The following POLN variants were observed in gnomAD, a reference collection of about 807,000 sequenced individuals.
POLN encodes the protein DNA polymerase N.
A neutral mutation model predicts 113.5 loss-of-function variants in POLN; 108 were observed. The ratio of observed to expected loss-of-function variants is 0.95; its 90% CI spans 0.81 to 1.12. POLN has a LOEUF of 1.12. Among genes scored for constraint, POLN ranks in the 50% most tolerant of loss-of-function variants. POLN has a pLI of 0.00. For missense variants in POLN, 1,097 were observed against 1,077.1 expected (o/e 1.02, Z -0.26); for synonymous variants, 386 against 391.5 (o/e 0.99, Z 0.17).
intron 19 of POLN, among the ~76,000 whole-genome samples, chr4:2,103,941 C>T (rs1175646663): frequency 6.6e-6 from 1 of 152,230 alleles, no homozygotes; most frequent in Non-Finnish European, 1.5e-5. Context: ...TTTGTCACCA[C>T]TAGACCGGCC....
intron 19 of POLN, among the ~76,000 whole-genome samples, chr4:2,100,809 C>A (rs1324863712): frequency 6.6e-6 from 1 of 152,160 alleles, no homozygotes; most frequent in Non-Finnish European, 1.5e-5. Context: ...CATGATTTGG[C>A]ATTTTAAATC....
intron 24 of POLN, among the ~76,000 whole-genome samples, chr4:2,073,270 C>T (rs575499979): frequency 5.9e-5 from 9 of 152,334 alleles, no homozygotes; most frequent in Admixed American, 2.6e-4. Flanking sequence ...GGATGCCTCT[C>T]GCAGGCCCCT....
intron 20 of POLN, among the ~76,000 whole-genome samples, chr4:2,090,972 C>T (rs1730649492): frequency 6.6e-6 from 1 of 152,190 alleles, no homozygotes; most frequent in Non-Finnish European, 1.5e-5. Flanking sequence ...TCCAGTTCTT[C>T]AAGCTAGTAG....
chr4:2,183,537 C>A (rs778840871), intron 7 of POLN, among the ~76,000 whole-genome samples: 1 of 152,180 alleles, frequency 6.6e-6, no homozygotes, highest in Non-Finnish European at 1.5e-5. Flanking sequence ...AAAGCTACAT[C>A]AGGCTAAATG....
At chr4:2,159,238 T>C (rs1339343374) in intron 13 of POLN, 27 bp from the exon 14 acceptor site, 4 of 1,543,344 alleles carry the variant, frequency 2.6e-6, no homozygotes, top group Non-Finnish European at 1.8e-6. Context: ...ATACTACCAA[T>C]GTAATTCGTC....
intron 25 of POLN, 118 bp downstream of exon 25, chr4:2,072,850 G>A: frequency 9.6e-7 from 1 of 1,041,624 alleles, no homozygotes; most frequent in Non-Finnish European, 1.5e-6. Flanking sequence ...TGCCTGCTGT[G>A]GAGTGGCCAT....
intron 16 of POLN, among the ~76,000 whole-genome samples, chr4:2,142,557 G>C (rs1318233573): frequency 3.9e-5 from 6 of 152,180 alleles, no homozygotes. Flanking sequence ...GACTGGCTAG[G>C]GACCGTGGGA....
Position 2,208,184 on chromosome 4 carries a change from C to A in POLN, c.517G>T (p.Ala173Ser). ...NLSEKTSKQM[A>S]LEEDTDDAEG... ...GCGTCATCAGTATCTTCTTCCAATG[C>A]CATTTGTTTACTTGTTTTCTCTGAC... Residue 173 changes from alanine (A) to serine (S), a missense_variant, in exon 5 of 26, where the codon GCA becomes TCA. Transcript: ENST00000511885. The A allele has an allele frequency of 6.2e-7, 1 of 1,611,914 alleles. No homozygotes were observed. Among genetic ancestry groups the A allele is most frequent in the East Asian group, 2.2e-5 (1 of 44,862 alleles).
chr4:2,131,565 C>A (rs903582449), intron 16 of POLN, among the ~76,000 whole-genome samples: 6 of 152,222 alleles, frequency 3.9e-5, no homozygotes, highest in African/African-American at 1.4e-4. Context: ...CTTTTTACAG[C>A]AGCCCAAATT....
chr4:2,179,079 C>T (rs529509806), intron 8 of POLN, among the ~76,000 whole-genome samples: 1 of 152,320 alleles, frequency 6.6e-6, no homozygotes, highest in South Asian at 2.1e-4. Flanking sequence ...GGAAGAGTCA[C>T]ACTATGGACA....
rs193230069 is a variant in POLN at position 2,133,852 on chromosome 4, T to C, written c.1732-2562A>G. Among the ~76,000 whole-genome samples the C allele has an allele frequency of 2.6e-5, 4 of 152,338 alleles. No individual in the cohort carries two copies. In the East Asian group the frequency reaches 7.7e-4, roughly 29 times the overall value. On this transcript the variant is annotated intron_variant, in intron 16 of 25. Coordinates refer to ENST00000511885, the MANE Select transcript of POLN (RefSeq NM_181808.4). ...TCCTGAGATCCCCCGACTTCATAAA[T>C]GACTTTTAAAAATTTACATACATTA... is the stretch of plus-strand genomic sequence containing the variant.
At chr4:2,142,525 G>A (rs1732028082) in intron 16 of POLN, among the ~76,000 whole-genome samples, 1 of 152,316 alleles carries the variant, frequency 6.6e-6, no homozygotes, top group East Asian at 1.9e-4. Flanking sequence ...AAGAGACTCG[G>A]AAAGGTGGAG....
In POLN at chr4:2,127,255, G is replaced by A. The variant is rs535607606; in HGVS notation, c.1982+858C>T. Among the ~76,000 whole-genome samples the A allele has an allele frequency of 6.6e-6, 1 of 152,072 alleles. No individual in the cohort carries two copies. Among genetic ancestry groups the A allele is most frequent in the East Asian group, 1.9e-4 (1 of 5,158 alleles). On this transcript the variant is annotated intron_variant, in intron 19 of 25. Transcript: ENST00000511885. The surrounding 1 kb of genome is among the most constrained non-coding windows in gnomAD (Gnocchi z 4.7). ...GAGGGGACAGTGACTCAGACACACG[G>A]ACCTTCCAACAGCCAGCACACACTT...
intron 20 of POLN, among the ~76,000 whole-genome samples, chr4:2,095,540 G>A (rs150422206): frequency 6.6e-6 from 1 of 152,214 alleles, no homozygotes; most frequent in East Asian, 1.9e-4. Context: ...GTGGACGAGG[G>A]TCTCCTCGAA....
At chr4:2,115,229 T>TATATATA (rs1553895279) in intron 19 of POLN, among the ~76,000 whole-genome samples, 3 of 30,856 alleles carry the variant, frequency 9.7e-5, no homozygotes, top group African/African-American at 2.0e-4. Context: ...TATATATATA[T>TATATATA]TTTTTTTTTT....
intron 8 of POLN, 28 bp from the exon 9 acceptor site, chr4:2,176,362 A>T (rs1220673528): frequency 6.5e-7 from 1 of 1,547,864 alleles, no homozygotes; most frequent in Non-Finnish European, 8.8e-7. Context: ...TATTTTTAAA[A>T]ATCAGATAAA....
chr4:2,146,240 T>G (rs1336546495), intron 16 of POLN, among the ~76,000 whole-genome samples: 1 of 151,420 alleles, frequency 6.6e-6, no homozygotes, highest in Non-Finnish European at 1.5e-5. Flanking sequence ...GCGTGGTGGC[T>G]CACACCTGTA....
At chr4:2,187,656 C>G (rs753540329) in intron 7 of POLN, among the ~76,000 whole-genome samples, 5 of 152,118 alleles carry the variant, frequency 3.3e-5, no homozygotes, top group Non-Finnish European at 5.9e-5. Context: ...CTATATTACA[C>G]TACACATATA....
intron 13 of POLN, among the ~76,000 whole-genome samples, chr4:2,162,525 T>G (rs1178771007): frequency 6.6e-6 from 1 of 152,204 alleles, no homozygotes; most frequent in Admixed American, 6.5e-5. Flanking sequence ...AGCACCATCT[T>G]GGCTCACTGC....
Sources: gnomAD v4.1 joint callset for allele counts (sites outside exome capture counted in the v4.1 genomes callset) on GRCh38, gnomAD v4.1.1 for gene constraint, Gnocchi (gnomAD v3.1) non-coding constraint, MANE v1.5 for transcripts, NCBI Gene and HGNC (gene_info 2026-07-23, HGNC 2026-07-21) for gene names.